The following ELAVL2 variants were observed in gnomAD, a reference collection of about 807,000 sequenced individuals.
ELAVL2 encodes ELAV like RNA binding protein 2.
A neutral mutation model predicts 34.6 loss-of-function variants in ELAVL2; 4 were observed. The observed-to-expected ratio is 0.12, with a 90% CI of 0.06 to 0.26. The LOEUF (loss-of-function observed/expected upper bound fraction) is 0.26, where lower values mean the gene tolerates loss of function less well. ELAVL2 is among the 10% of genes least tolerant of loss of function. The probability of loss-of-function intolerance (pLI) is 1.00; values close to 1 mark genes in which losing one functional copy is unlikely to be tolerated. For missense variants in ELAVL2, 432 were observed against 442.8 expected, an observed-to-expected ratio of 0.98 and a Z score of 0.22; for synonymous variants, 193 against 154.8, an observed-to-expected ratio of 1.25 and a Z score of -1.83.
chr9:23,834,742 A>G, the ELAVL2 span, among the ~76,000 whole-genome samples: 1 of 152,030 alleles, frequency 6.6e-6, no homozygotes, highest in Non-Finnish European at 1.5e-5. Context: ...AACCAAGTTT[A>G]AAAGGCGCCA....
At chr9:23,719,747 C>T (rs1428893447) in intron 3 of ELAVL2, among the ~76,000 whole-genome samples, 2 of 151,608 alleles carry the variant, frequency 1.3e-5, no homozygotes, top group East Asian at 1.9e-4. Context: ...TATCAAGACA[C>T]TGGGTAGGGA....
At chr9:23,804,162 A>ATTAT (rs755016426) in intron 1 of ELAVL2, among the ~76,000 whole-genome samples, 17 of 151,482 alleles carry the variant, frequency 1.1e-4, no homozygotes, top group East Asian at 3.9e-4. Flanking sequence ...AGATGGATTT[A>ATTAT]TTATTTATTT....
intron 2 of ELAVL2, among the ~76,000 whole-genome samples, chr9:23,761,016 A>T (rs1374894499): frequency 6.6e-6 from 1 of 152,068 alleles, no homozygotes; most frequent in Non-Finnish European, 1.5e-5. Context: ...TATTTTGCCA[A>T]TGGAAACCAG....
chr9:23,764,947 C>G (rs577392343), intron 1 of ELAVL2: 17 of 1,504,232 alleles, frequency 1.1e-5, no homozygotes, highest in Non-Finnish European at 1.5e-5. Context: ...GGTATGGCCT[C>G]AGCACTCCTC....
chr9:23,764,302 T>A (rs1396480057), intron 1 of ELAVL2, among the ~76,000 whole-genome samples: 1 of 152,136 alleles, frequency 6.6e-6, no homozygotes. Context: ...TTGACTGAAA[T>A]CAGCAAGATT....
intron 1 of ELAVL2, among the ~76,000 whole-genome samples, chr9:23,813,474 C>G (rs1427952454): frequency 1.3e-5 from 2 of 148,976 alleles, no homozygotes; most frequent in Non-Finnish European, 3.0e-5. Context: ...CTCACAACAT[C>G]AGCAATGAGG....
chr9:23,845,177 A>G, the ELAVL2 span, among the ~76,000 whole-genome samples: 3 of 151,792 alleles, frequency 2.0e-5, no homozygotes, highest in Non-Finnish European at 4.4e-5. Context: ...ATAAATTTAA[A>G]ACTGAAACAA....
chr9:23,739,707 T>C (rs562005117), intron 2 of ELAVL2, among the ~76,000 whole-genome samples: 2 of 152,174 alleles, frequency 1.3e-5, no homozygotes, highest in East Asian at 1.9e-4. Context: ...TTAACTGTGG[T>C]AGTAAAAAGG....
intron 2 of ELAVL2, among the ~76,000 whole-genome samples, chr9:23,757,462 TATG>T (rs1311287509): frequency 6.6e-6 from 1 of 152,010 alleles, no homozygotes; most frequent in Non-Finnish European, 1.5e-5. Flanking sequence ...TCTCATCACC[TATG>T]ATGTTTGGGG....
At chr9:23,803,201 T>C (rs761227240) in intron 1 of ELAVL2, among the ~76,000 whole-genome samples, 7 of 152,174 alleles carry the variant, frequency 4.6e-5, no homozygotes, top group South Asian at 2.1e-4. Context: ...CTACCCTGAT[T>C]TATAAGAAAA....
intron 2 of ELAVL2, among the ~76,000 whole-genome samples, chr9:23,734,065 GTAT>G (rs1189655002): frequency 6.6e-6 from 1 of 152,176 alleles, no homozygotes; most frequent in Non-Finnish European, 1.5e-5. Context: ...AAGCAAAACT[GTAT>G]TATTATCCTA....
chr9:23,728,796 C>T (rs983462150), intron 3 of ELAVL2, among the ~76,000 whole-genome samples: 1 of 152,012 alleles, frequency 6.6e-6, no homozygotes, highest in African/African-American at 2.4e-5. Flanking sequence ...AAAGGGGGTG[C>T]TATATACTTG....
chr9:23,816,063 G>A (rs965736985), intron 1 of ELAVL2, among the ~76,000 whole-genome samples: 13 of 151,892 alleles, frequency 8.6e-5, no homozygotes, highest in South Asian at 4.2e-4. Flanking sequence ...ATTTTAACAC[G>A]CTTTCTTCCA....
intron 2 of ELAVL2, among the ~76,000 whole-genome samples, chr9:23,759,754 T>TTTTATATATATATATATATATATA (rs1279843264): frequency 1.2e-5 from 1 of 81,340 alleles, no homozygotes; most frequent in Non-Finnish European, 2.5e-5. Flanking sequence ...ATATATAGTA[T>TTTTATATATATATATATATATATA]TATATATATA....
At chr9:23,702,972 A>C (rs796496518) in intron 4 of ELAVL2, among the ~76,000 whole-genome samples, 3 of 147,082 alleles carry the variant, frequency 2.0e-5, no homozygotes, top group Admixed American at 1.4e-4. Flanking sequence ...AAAAAAAAAA[A>C]AAAAAAAAAC....
chr9:23,696,204 A>G (rs2035135044), intron 5 of ELAVL2, among the ~76,000 whole-genome samples: 1 of 152,014 alleles, frequency 6.6e-6, no homozygotes, highest in South Asian at 2.1e-4. Context: ...GGCACTGCTG[A>G]AGCCCCCTGA....
At chr9:23,717,450 C>A (rs1277812056) in intron 3 of ELAVL2, among the ~76,000 whole-genome samples, 1 of 152,164 alleles carries the variant, frequency 6.6e-6, no homozygotes, top group Non-Finnish European at 1.5e-5. Context: ...ATCAAATTTT[C>A]CTGCCAATCA....
intron 1 of ELAVL2, among the ~76,000 whole-genome samples, chr9:23,796,039 T>C (rs969573931): frequency 6.6e-5 from 10 of 152,240 alleles, no homozygotes; most frequent in Non-Finnish European, 2.9e-5. Context: ...TTTTGGTCCT[T>C]GGACCTTCAA....
chr9:23,704,123 G>C (rs1237959418), intron 4 of ELAVL2, among the ~76,000 whole-genome samples: 1 of 115,166 alleles, frequency 8.7e-6, no homozygotes, highest in Non-Finnish European at 2.0e-5. Flanking sequence ...GTAGAGATGG[G>C]GCTTCTCTAT....
Sources: allele counts gnomAD v4.1 joint callset (sites outside exome capture counted in the v4.1 genomes callset), GRCh38; gene constraint gnomAD v4.1.1; transcripts MANE v1.5; gene names NCBI Gene and HGNC (gene_info 2026-07-23, HGNC 2026-07-21).